WDFY2: variants seen among roughly 807,000 people sequenced by gnomAD.
WDFY2 encodes WD repeat and FYVE domain containing 2.
WDFY2 carries 36 observed loss-of-function variants against 56.4 expected under a neutral mutation model. The observed-to-expected ratio is 0.64, with a 90% confidence interval of 0.49 to 0.84. The LOEUF (loss-of-function observed/expected upper bound fraction) is 0.84. Among genes scored for constraint, WDFY2 ranks in the 40% least tolerant of loss-of-function variants. The pLI, the probability that WDFY2 is intolerant of heterozygous loss-of-function variation, is 0.00. For missense variants in WDFY2, 444 were observed against 512.2 expected (o/e 0.87, Z 1.29); for synonymous variants, 176 against 183.7 (o/e 0.96, Z 0.34).
intron 1 of WDFY2, chr13:51,589,495 A>G (rs887167934): frequency 1.3e-5 from 2 of 152,158 alleles, no homozygotes; most frequent in Non-Finnish European, 2.9e-5. Flanking sequence ...TTTACCATTA[A>G]TTCTTTTTAT....
intron 6 of WDFY2, among the ~76,000 whole-genome samples, chr13:51,728,582 T>C (rs1952654263): frequency 6.6e-6 from 1 of 151,956 alleles, no homozygotes; most frequent in South Asian, 2.1e-4. Context: ...AGATGTCATA[T>C]AAGAAAAAAA....
intron 3 of WDFY2, among the ~76,000 whole-genome samples, chr13:51,691,884 T>G (rs1180212166): frequency 6.6e-6 from 1 of 151,944 alleles, no homozygotes; most frequent in African/African-American, 2.4e-5. Flanking sequence ...GAGCAGTGGT[T>G]TGTAGTTCTC....
At chr13:51,631,735 C>T (rs546491130) in intron 1 of WDFY2, among the ~76,000 whole-genome samples, 19 of 152,236 alleles carry the variant, frequency 1.2e-4, no homozygotes, top group African/African-American at 4.6e-4. Flanking sequence ...TGCCATGTTG[C>T]CCAGGCTGGT....
intron 3 of WDFY2, among the ~76,000 whole-genome samples, chr13:51,692,063 A>C (rs1359831314): frequency 6.6e-6 from 1 of 152,170 alleles, no homozygotes; most frequent in Non-Finnish European, 1.5e-5. Context: ...GACTTTGCTG[A>C]AGTTGCTTAT....
intron 1 of WDFY2, among the ~76,000 whole-genome samples, chr13:51,649,630 G>A (rs908848395): frequency 7.5e-6 from 1 of 133,694 alleles, no homozygotes; most frequent in African/African-American, 2.9e-5. Flanking sequence ...CCCTTCCTGT[G>A]TCCAAGTGTT....
rs1953615370 is a variant in WDFY2, at chr13:51,762,465, C to G, written c.*2696C>G. On this transcript the variant is annotated 3_prime_UTR_variant, in exon 12 of 12. Coordinates refer to ENST00000298125, the MANE Select transcript of WDFY2 (RefSeq NM_052950.4). ...GGTATCCATTGCTCTTTCCTTTTCT[C>G]TCATCTGTGTGGGTGCTTGAATTTG... 6.6e-6 allele frequency: 1 copy of G among 152,240 alleles called. No homozygotes were observed. The highest frequency in any genetic ancestry group is 6.5e-5 in the Admixed American group (1 of 15,292). The allele number at this position is 152,240 out of a possible 1,614,324, so 9.4% of individuals were successfully genotyped here. A position where few individuals can be genotyped will look rare whatever the true frequency, so the allele number is the denominator to read the frequency against.
At chr13:51,642,621 C>T (rs1348276354) in intron 1 of WDFY2, among the ~76,000 whole-genome samples, 1 of 150,438 alleles carries the variant, frequency 6.6e-6, no homozygotes, top group East Asian at 2.0e-4. Flanking sequence ...TGATAACATT[C>T]TCAACCAGAA....
intron 5 of WDFY2, among the ~76,000 whole-genome samples, chr13:51,724,580 T>G (rs1327327235): frequency 6.6e-6 from 1 of 152,160 alleles, no homozygotes; most frequent in Non-Finnish European, 1.5e-5. Flanking sequence ...CAATTTTAGG[T>G]GCACAGCAAA....
intron 1 of WDFY2, among the ~76,000 whole-genome samples, chr13:51,642,073 T>A (rs1466681588): frequency 1.3e-5 from 2 of 152,104 alleles, no homozygotes; most frequent in Non-Finnish European, 2.9e-5. Context: ...TTCCCCCATT[T>A]TCTTATTAGT....
At chr13:51,718,562 ACAC>A (rs1952415324) in intron 4 of WDFY2, among the ~76,000 whole-genome samples, 1 of 76,606 alleles carries the variant, frequency 1.3e-5, no homozygotes, top group Non-Finnish European at 2.8e-5. Flanking sequence ...TCATTCATAC[ACAC>A]ACACACACAC....
At chr13:51,701,162 A>G (rs1218380409) in intron 3 of WDFY2, among the ~76,000 whole-genome samples, 1 of 152,196 alleles carries the variant, frequency 6.6e-6, no homozygotes, top group Non-Finnish European at 1.5e-5. Flanking sequence ...ATGGTATCAC[A>G]AGGGATTTTT....
chr13:51,691,160 G>T (rs1349055953), intron 3 of WDFY2, among the ~76,000 whole-genome samples: 3 of 152,104 alleles, frequency 2.0e-5, no homozygotes, highest in Non-Finnish European at 2.9e-5. Flanking sequence ...TGTTCACTCT[G>T]ATGGTAGTTT....
At chr13:51,751,570 TC>T (rs961864039) in intron 8 of WDFY2, 155 bp downstream of exon 8, 3 of 720,200 alleles carry the variant, frequency 4.2e-6, no homozygotes, top group Non-Finnish European at 2.3e-6. Flanking sequence ...GTTTTTTTTT[TC>T]CCTCACAAGT....
chr13:51,710,286 C>T (rs1352989168), intron 4 of WDFY2, among the ~76,000 whole-genome samples: 1 of 152,130 alleles, frequency 6.6e-6, no homozygotes, highest in African/African-American at 2.4e-5. Context: ...TGGGACGTAT[C>T]TCAAAATAAT....
At chr13:51,696,351 T>G (rs1177030828) in intron 3 of WDFY2, among the ~76,000 whole-genome samples, 1 of 152,242 alleles carries the variant, frequency 6.6e-6, no homozygotes, top group African/African-American at 2.4e-5. Context: ...GTAAATGTGA[T>G]TTTTCTTTTT....
At chr13:51,659,481 A>G (rs1372114857) in intron 1 of WDFY2, among the ~76,000 whole-genome samples, 1 of 151,906 alleles carries the variant, frequency 6.6e-6, no homozygotes, top group Non-Finnish European at 1.5e-5. Flanking sequence ...GATGTTCACT[A>G]TTTCCTCTGG....
intron 4 of WDFY2, among the ~76,000 whole-genome samples, chr13:51,715,436 A>G (rs775450015): frequency 2.0e-5 from 3 of 152,006 alleles, no homozygotes; most frequent in Non-Finnish European, 2.9e-5. Flanking sequence ...GCCTAGGCCT[A>G]CTTAGGGTCA....
chr13:51,619,447 C>CA (rs920153937), intron 1 of WDFY2, among the ~76,000 whole-genome samples: 9 of 145,994 alleles, frequency 6.2e-5, no homozygotes, highest in Non-Finnish European at 9.1e-5. Context: ...AAAAAAAAAA[C>CA]AAAAAACAAA....
At chr13:51,612,493 A>AT (rs1566313031) in intron 1 of WDFY2, among the ~76,000 whole-genome samples, 1 of 151,998 alleles carries the variant, frequency 6.6e-6, no homozygotes, top group African/African-American at 2.4e-5. Flanking sequence ...TTACAATTAA[A>AT]TTTTTTTTAC....
Sources: gnomAD v4.1 joint callset for allele counts (sites outside exome capture counted in the v4.1 genomes callset) on GRCh38, gnomAD v4.1.1 for gene constraint, MANE v1.5 for transcripts, NCBI Gene and HGNC (gene_info 2026-07-23, HGNC 2026-07-21) for gene names.